HK2: variants seen among roughly 807,000 people sequenced by gnomAD.
HK2 encodes hexokinase 2.
HK2 carries 42 observed loss-of-function variants against 92.9 expected under a neutral mutation model. The observed-to-expected ratio is 0.45, with a 90% CI of 0.35 to 0.58. The LOEUF (loss-of-function observed/expected upper bound fraction) is 0.58, where lower values mean the gene tolerates loss of function less well. HK2 is among the 20% of genes least tolerant of loss of function. The pLI is 0.00. For synonymous variants in HK2, 422 were observed against 468.0 expected, an observed-to-expected ratio of 0.90 and a Z score of 1.27; for missense variants, 978 against 1,245.1, an observed-to-expected ratio of 0.79 and a Z score of 3.23.
At chr2:74,843,982 T>C (rs1688376732) in intron 1 of HK2, among the ~76,000 whole-genome samples, 2 of 152,190 alleles carry the variant, frequency 1.3e-5, no homozygotes, top group South Asian at 4.1e-4. Flanking sequence ...ATTATTCAAA[T>C]GAAGAGACCA....
intron 2 of HK2, among the ~76,000 whole-genome samples, chr2:74,858,540 G>A (rs1369860052): frequency 6.6e-6 from 1 of 152,172 alleles, no homozygotes; most frequent in Non-Finnish European, 1.5e-5. Flanking sequence ...TCTCACATGT[G>A]TTACAAACAC....
intron 3 of HK2, among the ~76,000 whole-genome samples, chr2:74,869,389 T>C (rs1447862632): frequency 1.3e-5 from 2 of 152,198 alleles, no homozygotes; most frequent in East Asian, 1.9e-4. Flanking sequence ...ATTTTCCCCC[T>C]TTTTTGGTAC....
At chr2:74,847,561 CTA>C (rs891014692) in intron 1 of HK2, among the ~76,000 whole-genome samples, 4 of 152,032 alleles carry the variant, frequency 2.6e-5, no homozygotes, top group African/African-American at 7.2e-5. Flanking sequence ...GGGTGCATAC[CTA>C]TAGTCTTAGC....
rs752683823 is a variant in HK2, at chr2:74,880,551, G to A, written c.1552G>A (p.Ala518Thr). 1 of 1,613,940 alleles carries A rather than the reference G, an allele frequency of 6.2e-7. No individual in the cohort carries two copies. The highest frequency in any genetic ancestry group is 8.5e-7 in the Non-Finnish European group (1 of 1,179,942). Residue 518 changes from alanine (A) to threonine (T), a missense_variant, in exon 10 of 18, where the codon GCT (alanine) becomes ACT (threonine). Around this residue, in one of 3 missense-constraint regions of HK2, gnomAD observed 742 missense variants for 922.5 expected, o/e 0.80. Coordinates refer to ENST00000290573, the MANE Select transcript of HK2 (RefSeq NM_000189.5). Reference sequence around the variant, plus strand: ...CAAGATGCTGCCCACCTACGTGTGTGCTACCCCGGACGGCACAGGTACACG... The same window carrying A: ...CAAGATGCTGCCCACCTACGTGTGTACTACCCCGGACGGCACAGGTACACG... The part of the protein sequence containing the change: ...PVKMLPTYVC[A>T]TPDGTEKGDF...
At position 74,886,331 on chromosome 2, in the gene HK2, C is replaced by A; in HGVS notation, c.1973C>A (p.Thr658Lys). The A allele has an allele frequency of 1.2e-6, 2 of 1,614,200 alleles. No homozygotes were observed. Among genetic ancestry groups the A allele is most frequent in the Non-Finnish European group, 1.7e-6 (2 of 1,180,038 alleles). Residue 658 changes from threonine (T) to lysine (K), a missense_variant, in exon 14 of 18, where the codon ACA (threonine) becomes AAA (lysine). By Grantham distance (78) the Thr-to-Lys change is moderately conservative (BLOSUM62 -1). Coordinates refer to ENST00000290573, the MANE Select transcript of HK2 (RefSeq NM_000189.5). ...DLDVVAVVND[T>K]VGTMMTCGFE... ...GATGTGGTTGCTGTGGTGAACGACA[C>A]AGTCGGAACTATGATGACCTGTGGC...
At chr2:74,849,587 A>T (rs1264156792) in intron 1 of HK2, among the ~76,000 whole-genome samples, 1 of 152,216 alleles carries the variant, frequency 6.6e-6, no homozygotes, top group African/African-American at 2.4e-5. Context: ...CAGAAAGAGA[A>T]GGAATAGTTT....
intron 2 of HK2, among the ~76,000 whole-genome samples, chr2:74,866,194 G>A (rs916525317): frequency 5.9e-5 from 9 of 152,104 alleles, no homozygotes; most frequent in African/African-American, 2.2e-4. Context: ...TTTTCTCAGG[G>A]CCTAAGTGCT....
chr2:74,850,903 C>T (rs369070135), intron 1 of HK2, among the ~76,000 whole-genome samples: 1 of 152,168 alleles, frequency 6.6e-6, no homozygotes, highest in Non-Finnish European at 1.5e-5. Flanking sequence ...TCATCATGCC[C>T]TGGTGCCATC....
chr2:74,837,916 C>T (rs1334047833), intron 1 of HK2, among the ~76,000 whole-genome samples: 1 of 152,072 alleles, frequency 6.6e-6, no homozygotes, highest in East Asian at 1.9e-4. Context: ...CCTTGTGATC[C>T]ACCTGCCTCA....
At chr2:74,874,238 T>C (rs375511714) in intron 6 of HK2, 28 bp from the exon 7 acceptor site, 19 of 1,613,684 alleles carry the variant, frequency 1.2e-5, no homozygotes, top group Non-Finnish European at 1.5e-5. Context: ...GGAGCAGGCG[T>C]GTGCATAGCC....
intron 2 of HK2, among the ~76,000 whole-genome samples, chr2:74,855,415 G>C (rs1343009998): frequency 6.6e-6 from 1 of 152,144 alleles, no homozygotes; most frequent in Non-Finnish European, 1.5e-5. Flanking sequence ...TGTCACCCAG[G>C]CTAGAGCGCA....
intron 1 of HK2, among the ~76,000 whole-genome samples, chr2:74,850,003 C>T (rs999319489): frequency 1.3e-5 from 2 of 152,184 alleles, no homozygotes; most frequent in African/African-American, 4.8e-5. Context: ...TTCCCAACTC[C>T]CAGCAGGCTG....
At chr2:74,841,734 G>A (rs995391674) in intron 1 of HK2, among the ~76,000 whole-genome samples, 1 of 152,230 alleles carries the variant, frequency 6.6e-6, no homozygotes, top group South Asian at 2.1e-4. Flanking sequence ...AGAAATGTGG[G>A]CAATACAAGT....
In HK2 at chr2:74,878,712, C is replaced by A; in HGVS notation, c.1056C>A (p.Ala352=). The change falls in exon 9 of 18, where the codon GCC becomes GCA. Residue 352 remains alanine, a synonymous_variant. Coordinates refer to ENST00000290573, the MANE Select transcript of HK2 (RefSeq NM_000189.5). The stretch of plus-strand genomic sequence containing the variant: ...GGGAGAAGGATGGCATCCGGAAGGC[C>A]CGTGAGGTCCTGATGCGGTTGGGCC... ...IEGEKDGIRK[A]REVLMRLGLD... The A allele has an allele frequency of 6.2e-7, 1 of 1,606,768 alleles. No homozygotes were observed. The highest frequency in any genetic ancestry group is 8.5e-7 in the Non-Finnish European group (1 of 1,176,648).
intron 3 of HK2, among the ~76,000 whole-genome samples, chr2:74,869,444 T>C (rs1162607603): frequency 6.6e-6 from 1 of 152,226 alleles, no homozygotes; most frequent in African/African-American, 2.4e-5. Flanking sequence ...GGATTGTAAA[T>C]ATACACTTTG....
chr2:74,856,461 C>T (rs1688698688), intron 2 of HK2, among the ~76,000 whole-genome samples: 1 of 152,114 alleles, frequency 6.6e-6, no homozygotes. Flanking sequence ...TGTTTACCTA[C>T]CACTCCCTCT....
chr2:74,862,563 G>A (rs906698211), intron 2 of HK2, among the ~76,000 whole-genome samples: 1 of 152,086 alleles, frequency 6.6e-6, no homozygotes, highest in Admixed American at 6.5e-5. Context: ...TACGTTGCAT[G>A]GAAGCTGGTT....
Position 74,872,318 on chromosome 2 carries a change from G to A in HK2, c.394G>A (p.Glu132Lys), listed in dbSNP as rs1045041403. The change falls in exon 4 of 18, where the codon GAA becomes AAA. Residue 132 changes from glutamate (E) to lysine (K), a missense_variant. Glu to Lys is a moderately conservative substitution (Grantham distance 56). Around this residue, in one of 3 missense-constraint regions of HK2, gnomAD observed 189 missense variants for 289.5 expected, o/e 0.65. Transcript: ENST00000290573. ...SGTQLFDHIA[E>K]CLANFMDKLQ... ...TCCTTAGCTGTTTGACCACATTGCC[G>A]AATGCCTGGCTAACTTCATGGATAA... 6 of 1,613,778 alleles carry A rather than the reference G, an allele frequency of 3.7e-6. No homozygotes were observed. Among genetic ancestry groups the A allele is most frequent in the African/African-American group, 1.3e-5 (1 of 74,866 alleles).
intron 3 of HK2, among the ~76,000 whole-genome samples, chr2:74,869,339 G>C (rs1478017349): frequency 1.3e-5 from 2 of 152,158 alleles, no homozygotes; most frequent in East Asian, 3.9e-4. Flanking sequence ...GTTCATTGTG[G>C]CTATTTTAGT....
Sources: allele counts gnomAD v4.1 joint callset (sites outside exome capture counted in the v4.1 genomes callset), GRCh38; gene constraint gnomAD v4.1.1; regional missense constraint gnomAD v4.1.1; transcripts MANE v1.5; gene names NCBI Gene and HGNC (gene_info 2026-07-23, HGNC 2026-07-21).